The following FTMT variants were observed in gnomAD, a reference collection of about 807,000 sequenced individuals.
FTMT encodes ferritin mitochondrial.
FTMT carries 5 observed loss-of-function variants against 4.9 expected under a neutral mutation model. The ratio of observed to expected loss-of-function variants is 1.03; its 90% CI spans 0.54 to 2.16. The LOEUF (loss-of-function observed/expected upper bound fraction) is 2.16. Ranked by LOEUF, FTMT falls within the 30% of genes most tolerant of loss-of-function variation. The pLI, the probability that FTMT is intolerant of heterozygous loss-of-function variation, is 0.01. For synonymous variants in FTMT, 174 were observed against 143.6 expected (o/e 1.21, Z -1.51); for missense variants, 393 against 323.0 (o/e 1.22, Z -1.66).
In FTMT at chr5:121,852,445, A is replaced by T; in HGVS notation, c.482A>T (p.Glu161Val). Residue 161 changes from glutamate to valine, a missense_variant, in exon 1 of 1, where the codon GAG (glutamate) becomes GTG (valine). By Grantham distance (121) the Glu-to-Val change is moderately radical (BLOSUM62 -2). Transcript: ENST00000321339. ...DDWESGLHAM[E>V]CALLLEKNVN... Reference sequence around the variant, plus strand: ...TGGGAAAGCGGGCTGCATGCCATGGAGTGTGCTCTACTCTTGGAAAAGAAC... The same window carrying T: ...TGGGAAAGCGGGCTGCATGCCATGGTGTGTGCTCTACTCTTGGAAAAGAAC... 6.2e-7 allele frequency: 1 copy of T among 1,614,012 alleles called. No homozygotes were observed.
chr5:121,852,676 A>C lies in FTMT; in HGVS notation c.713A>C (p.Glu238Ala), dbSNP rs1750078579. The change falls in exon 1 of 1, where the codon GAA (glutamate) becomes GCA (alanine). Residue 238 changes from glutamate to alanine, a missense_variant. Transcript: ENST00000321339. Reference protein sequence around the residue: ...YLFDTHTLGNENKQN With the variant: ...YLFDTHTLGNANKQN Reference sequence around the variant, plus strand: ...TTTGACACACATACCCTTGGAAATGAAAACAAGCAGAACTAAGCCACGAGC... The same window carrying C: ...TTTGACACACATACCCTTGGAAATGCAAACAAGCAGAACTAAGCCACGAGC... 1.2e-6 allele frequency: 2 copies of C among 1,613,494 alleles called. No individual in the cohort carries two copies. Among genetic ancestry groups the C allele is most frequent in the Non-Finnish European group, 1.7e-6 (2 of 1,179,688 alleles).
Position 121,852,655 on chromosome 5 carries a change from A to G in FTMT, c.692A>G (p.Asp231Gly). ...PDAGLAEYLF[D>G]THTLGNENKQ... Reference sequence around the variant, plus strand: ...GCTGGCCTGGCGGAGTACCTTTTTGACACACATACCCTTGGAAATGAAAAC... The same window carrying G: ...GCTGGCCTGGCGGAGTACCTTTTTGGCACACATACCCTTGGAAATGAAAAC... Residue 231 changes from aspartate (D) to glycine (G), a missense_variant, in exon 1 of 1, where the codon GAC (aspartate) becomes GGC (glycine). By Grantham distance (94) the Asp-to-Gly change is moderately conservative. Coordinates refer to ENST00000321339, the MANE Select transcript of FTMT (RefSeq NM_177478.2). 2.5e-6 allele frequency: 4 copies of G among 1,613,930 alleles called. No homozygotes were observed. Among genetic ancestry groups the G allele is most frequent in the Non-Finnish European group, 3.4e-6 (4 of 1,179,986 alleles).
chr5:121,852,420 T>A lies in FTMT; in HGVS notation c.457T>A (p.Trp153Arg). 1 of 1,614,076 alleles carries A rather than the reference T, an allele frequency of 6.2e-7. No individual in the cohort carries two copies. Among genetic ancestry groups the A allele is most frequent in the South Asian group, 1.1e-5 (1 of 91,076 alleles). The change falls in exon 1 of 1, where the codon TGG (tryptophan) becomes AGG (arginine). Residue 153 changes from tryptophan (W) to arginine (R), a missense_variant. Trp to Arg is a moderately radical substitution (Grantham distance 101). Transcript: ENST00000321339. ...QDIKKPEQDD[W>R]ESGLHAMECA... The stretch of plus-strand genomic sequence containing the variant: ...CATCAAGAAGCCGGAACAGGACGAC[T>A]GGGAAAGCGGGCTGCATGCCATGGA...
In FTMT at chr5:121,852,175, A is replaced by G; in HGVS notation, c.212A>G (p.Asn71Ser). 1 of 1,612,998 alleles carries G rather than the reference A, an allele frequency of 6.2e-7. No individual in the cohort carries two copies. Among genetic ancestry groups the G allele is most frequent in the Non-Finnish European group, 8.5e-7 (1 of 1,179,502 alleles). The change falls in exon 1 of 1, where the codon AAC (asparagine) becomes AGC (serine). Residue 71 changes from asparagine to serine, a missense_variant. Transcript: ENST00000321339. ...PAAGPSRVRQ[N>S]FHPDSEAAIN... ...GCCGGCCCCTCTCGGGTGCGCCAGA[A>G]CTTCCACCCCGACTCCGAGGCTGCC...
chr5:121,851,903 C>G lies in FTMT; in HGVS notation c.-61C>G. On this transcript the variant is annotated 5_prime_UTR_variant, in exon 1 of 1. Transcript: ENST00000321339. ...TTCTGATCAGATCTGACGCCTCCAG[C>G]GCCCGACCCCACGCCAAGAGGGCCG... The G allele has an allele frequency of 6.7e-7, 1 of 1,503,534 alleles. No individual in the cohort carries two copies. The highest frequency in any genetic ancestry group is 8.8e-7 in the Non-Finnish European group (1 of 1,136,034). The allele number at this position is 1,503,534 out of a possible 1,614,324, so 93.1% of individuals were successfully genotyped here. A position where few individuals can be genotyped will look rare whatever the true frequency, so the allele number is the denominator to read the frequency against.
rs1443064017 is a variant in FTMT, at chr5:121,852,479, G to C, written c.516G>C (p.Gln172His). 3.1e-6 allele frequency: 5 copies of C among 1,614,078 alleles called. No homozygotes were observed. The highest frequency in any genetic ancestry group is 4.5e-5 in the East Asian group (2 of 44,854). ...CALLLEKNVN[Q>H]SLLELHALAS... is the part of the protein sequence containing the mutation. The stretch of plus-strand genomic sequence containing the variant: ...TACTCTTGGAAAAGAACGTGAACCA[G>C]TCGTTGCTGGAATTGCACGCTCTAG... The change falls in exon 1 of 1, where the codon CAG becomes CAC. Residue 172 changes from glutamine to histidine, a missense_variant. Physicochemically the swap from Gln to His is conservative, Grantham distance 24. Transcript: ENST00000321339.
chr5:121,852,703 G>C lies in FTMT; in HGVS notation c.*11G>C. ...AACAAGCAGAACTAAGCCACGAGCTGCCTTCCTCCCAGGCTAGTGGATCCA... is the reference window on the plus strand; with the variant it reads ...AACAAGCAGAACTAAGCCACGAGCTCCCTTCCTCCCAGGCTAGTGGATCCA... On this transcript the variant is annotated 3_prime_UTR_variant, in exon 1 of 1. Coordinates refer to ENST00000321339, the MANE Select transcript of FTMT (RefSeq NM_177478.2). 6.2e-7 allele frequency: 1 copy of C among 1,605,252 alleles called. No individual in the cohort carries two copies. Among genetic ancestry groups the C allele is most frequent in the Non-Finnish European group, 8.5e-7 (1 of 1,174,758 alleles).
rs769463821 is a variant in FTMT, at chr5:121,852,564, C to G, written c.601C>G (p.Gln201Glu). The G allele has an allele frequency of 8.1e-6, 13 of 1,614,144 alleles. No homozygotes were observed. In the South Asian group the frequency reaches 1.4e-4, roughly 18 times the overall value. ...CCTGGAAACCTACTACCTGAATGAG[C>G]AGGTGAAGTCTATCAAAGAACTAGG... ...DFLETYYLNE[Q>E]VKSIKELGDH... The change falls in exon 1 of 1, where the codon CAG becomes GAG. Residue 201 changes from glutamine to glutamate, a missense_variant. Gln to Glu is a conservative substitution (Grantham distance 29). Transcript: ENST00000321339.
In FTMT at chr5:121,852,270, C is replaced by T; in HGVS notation, c.307C>T (p.Arg103Trp). 1.2e-6 allele frequency: 2 copies of T among 1,614,170 alleles called. No individual in the cohort carries two copies. Among genetic ancestry groups the T allele is most frequent in the Non-Finnish European group, 1.7e-6 (2 of 1,180,038 alleles). The part of the protein sequence containing the change: ...VYLSMAYYFS[R>W]DDVALNNFSR... ...CTTGTCCATGGCCTATTACTTCTCC[C>T]GGGATGACGTGGCCTTGAACAACTT... The change falls in exon 1 of 1, where the codon CGG becomes TGG. Residue 103 changes from arginine to tryptophan, a missense_variant. Transcript: ENST00000321339.
chr5:121,852,804 T>G lies in FTMT; in HGVS notation c.*112T>G, dbSNP rs1750080095. 1 of 1,268,254 alleles carries G rather than the reference T, an allele frequency of 7.9e-7. No individual in the cohort carries two copies. Among genetic ancestry groups the G allele is most frequent in the East Asian group, 2.3e-5 (1 of 42,868 alleles). 78.6% of individuals were successfully genotyped at this position (1,268,254 alleles called of 1,614,324 possible). A position where few individuals can be genotyped will look rare whatever the true frequency, so the allele number is the denominator to read the frequency against. On this transcript the variant is annotated 3_prime_UTR_variant, in exon 1 of 1. Transcript: ENST00000321339. ...TCTTTATATTCTTCTGTTATACTAT[T>G]CCTCCAATAAAGTGATTTGTAGAAA...
chr5:121,852,307 T>A lies in FTMT; in HGVS notation c.344T>A (p.Phe115Tyr). The A allele has an allele frequency of 6.2e-7, 1 of 1,614,118 alleles. No homozygotes were observed. Among genetic ancestry groups the A allele is most frequent in the Non-Finnish European group, 8.5e-7 (1 of 1,180,022 alleles). ...GCCTTGAACAACTTCTCCAGGTATT[T>A]CCTTCACCAGTCCCGGGAGGAGACC... is the stretch of plus-strand genomic sequence containing the variant. ...DVALNNFSRY[F>Y]LHQSREETEH... Residue 115 changes from phenylalanine (F) to tyrosine (Y), a missense_variant, in exon 1 of 1, where the codon TTC becomes TAC. Phe to Tyr is a conservative substitution (Grantham distance 22). Transcript: ENST00000321339.
chr5:121,852,636 C>T lies in FTMT; in HGVS notation c.673C>T (p.Leu225=). The change falls in exon 1 of 1, where the codon CTG becomes TTG. Residue 225 remains leucine (L), a synonymous_variant. Coordinates refer to ENST00000321339, the MANE Select transcript of FTMT (RefSeq NM_177478.2). ...GAAGATGGGGGCCCCGGATGCTGGC[C>T]TGGCGGAGTACCTTTTTGACACACA... is the stretch of plus-strand genomic sequence containing the variant. ...LVKMGAPDAG[L]AEYLFDTHTL... 2 of 1,614,052 alleles carry T rather than the reference C, an allele frequency of 1.2e-6. No individual in the cohort carries two copies. Among genetic ancestry groups the T allele is most frequent in the Non-Finnish European group, 8.5e-7 (1 of 1,180,018 alleles).
In FTMT at chr5:121,852,342, G is replaced by C. The variant is rs756326969; in HGVS notation, c.379G>C (p.Glu127Gln). ...HQSREETEHA[E>Q]KLMRLQNQRG... ...GTCCCGGGAGGAGACCGAGCACGCG[G>C]AGAAGCTGATGAGGCTGCAGAACCA... The change falls in exon 1 of 1, where the codon GAG (glutamate) becomes CAG (glutamine). Residue 127 changes from glutamate (E) to glutamine (Q), a missense_variant. Coordinates refer to ENST00000321339, the MANE Select transcript of FTMT (RefSeq NM_177478.2). The C allele has an allele frequency of 1.5e-5, 25 of 1,614,052 alleles. No homozygotes were observed. The Admixed American group carries it at 1.7e-4, about 11-fold the overall frequency.
chr5:121,852,036 T>TGCTTCGCGCTCCC lies in FTMT; in HGVS notation c.77_89dup (p.Trp32AlafsTer78). The TGCTTCGCGCTCCC allele has an allele frequency of 1.3e-6, 2 of 1,593,380 alleles. No homozygotes were observed. The highest frequency in any genetic ancestry group is 1.7e-6 in the Non-Finnish European group (2 of 1,175,554). Reference sequence around the variant, plus strand: ...GGCGTCTCTGCGCCCGGTGCGCTGCTGCTTCGCGCTCCCGCTGCGTTGGGC... The same window carrying TGCTTCGCGCTCCC: ...GGCGTCTCTGCGCCCGGTGCGCTGCTGCTTCGCGCTCCCGCTTCGCGCTCCCGCTGCGTTGGGC... On this transcript the variant is annotated frameshift_variant, in exon 1 of 1. Transcript: ENST00000321339. LOFTEE classifies it low-confidence loss of function (END_TRUNC).
chr5:121,852,093 G>C lies in FTMT; in HGVS notation c.130G>C (p.Ala44Pro), dbSNP rs572583166. The change falls in exon 1 of 1, where the codon GCC becomes CCC. Residue 44 changes from alanine (A) to proline (P), a missense_variant. Transcript: ENST00000321339. ...PGRPLDPRQI[A>P]PRRPLAAAAS... is the part of the protein sequence containing the mutation. The stretch of plus-strand genomic sequence containing the variant: ...GCGCCCCTTGGACCCCAGGCAGATC[G>C]CCCCCCGCCGCCCCCTGGCCGCAGC... 2.5e-6 allele frequency: 4 copies of C among 1,569,382 alleles called. No homozygotes were observed. In the South Asian group the frequency reaches 3.5e-5, roughly 14 times the overall value.
chr5:121,852,800 C>A lies in FTMT; in HGVS notation c.*108C>A. ...TCCATCTTTATATTCTTCTGTTATA[C>A]TATTCCTCCAATAAAGTGATTTGTA... On this transcript the variant is annotated 3_prime_UTR_variant, in exon 1 of 1. Coordinates refer to ENST00000321339, the MANE Select transcript of FTMT (RefSeq NM_177478.2). The A allele has an allele frequency of 7.8e-7, 1 of 1,285,692 alleles. No homozygotes were observed. The highest frequency in any genetic ancestry group is 1.1e-6 in the Non-Finnish European group (1 of 928,018). The allele number at this position is 1,285,692 out of a possible 1,614,324, so 79.6% of individuals were successfully genotyped here.
At position 121,852,273 on chromosome 5, in the gene FTMT, G is replaced by T; in HGVS notation, c.310G>T (p.Asp104Tyr). 6.2e-7 allele frequency: 1 copy of T among 1,614,174 alleles called. No homozygotes were observed. The highest frequency in any genetic ancestry group is 8.5e-7 in the Non-Finnish European group (1 of 1,180,038). Residue 104 changes from aspartate (D) to tyrosine (Y), a missense_variant, in exon 1 of 1, where the codon GAT (aspartate) becomes TAT (tyrosine). Coordinates refer to ENST00000321339, the MANE Select transcript of FTMT (RefSeq NM_177478.2). ...YLSMAYYFSR[D>Y]DVALNNFSRY... ...GTCCATGGCCTATTACTTCTCCCGG[G>T]ATGACGTGGCCTTGAACAACTTCTC... is the stretch of plus-strand genomic sequence containing the variant.
In FTMT at chr5:121,852,716, G is replaced by C; in HGVS notation, c.*24G>C. On this transcript the variant is annotated 3_prime_UTR_variant, in exon 1 of 1. Transcript: ENST00000321339. ...AAGCCACGAGCTGCCTTCCTCCCAG[G>C]CTAGTGGATCCAAAGACCAAAGTCA... 6.3e-7 allele frequency: 1 copy of C among 1,590,566 alleles called. No homozygotes were observed. The highest frequency in any genetic ancestry group is 8.6e-7 in the Non-Finnish European group (1 of 1,168,296).
chr5:121,852,103 G>C lies in FTMT; in HGVS notation c.140G>C (p.Arg47Pro). The C allele has an allele frequency of 6.4e-7, 1 of 1,573,838 alleles. No individual in the cohort carries two copies. Among genetic ancestry groups the C allele is most frequent in the Non-Finnish European group, 8.6e-7 (1 of 1,165,364 alleles). The change falls in exon 1 of 1, where the codon CGC (arginine) becomes CCC (proline). Residue 47 changes from arginine (R) to proline (P), a missense_variant. Arg to Pro is a moderately radical substitution (Grantham distance 103). Coordinates refer to ENST00000321339, the MANE Select transcript of FTMT (RefSeq NM_177478.2). The part of the protein sequence containing the change: ...PLDPRQIAPR[R>P]PLAAAASSRD... ...GACCCCAGGCAGATCGCCCCCCGCC[G>C]CCCCCTGGCCGCAGCCGCCTCCTCC...
Sources: gnomAD v4.1 joint callset for allele counts on GRCh38, gnomAD v4.1.1 for gene constraint, MANE v1.5 for transcripts, NCBI Gene and HGNC (gene_info 2026-07-23, HGNC 2026-07-21) for gene names.